CREB5: variants seen among roughly 807,000 people sequenced by gnomAD.
The protein encoded by CREB5 is cyclic AMP-responsive element-binding protein 5.
CREB5 carries 19 observed loss-of-function variants against 57.1 expected under a neutral mutation model. That is an observed-to-expected ratio of 0.33 (90% CI 0.23 to 0.49). The LOEUF (loss-of-function observed/expected upper bound fraction) is 0.49. Among genes scored for constraint, CREB5 ranks in the 20% least tolerant of loss-of-function variants. The probability of loss-of-function intolerance (pLI) is 0.99; values close to 1 mark genes in which losing one functional copy is unlikely to be tolerated. For synonymous variants in CREB5, 238 were observed against 238.3 expected (o/e 1.00, Z 0.01); for missense variants, 579 against 671.6 (o/e 0.86, Z 1.52).
chr7:28,734,715 A>C (rs1426562770), intron 7 of CREB5, among the ~76,000 whole-genome samples: 1 of 152,206 alleles, frequency 6.6e-6, no homozygotes, highest in African/African-American at 2.4e-5. Context: ...CAAATTTCTT[A>C]AAATTTATAC....
upstream of CREB5, chr7:28,410,190 G>A: frequency 2.2e-6 from 1 of 451,332 alleles, no homozygotes; most frequent in Non-Finnish European, 4.4e-6. Context: ...CCCTCGGAGG[G>A]CGCTTGGCTT....
At chr7:28,519,413 C>T (rs138058765) in intron 4 of CREB5, among the ~76,000 whole-genome samples, 1 of 152,322 alleles carries the variant, frequency 6.6e-6, no homozygotes, top group African/African-American at 2.4e-5. Flanking sequence ...CAATCCAACA[C>T]CAGCTTTAAC....
At chr7:28,798,598 C>T (rs1808188750) in intron 7 of CREB5, among the ~76,000 whole-genome samples, 1 of 152,232 alleles carries the variant, frequency 6.6e-6, no homozygotes, top group Non-Finnish European at 1.5e-5. Flanking sequence ...AACCCGGCAG[C>T]AGGCCCACCC....
chr7:28,431,470 C>G (rs1337854517), intron 1 of CREB5, among the ~76,000 whole-genome samples: 1 of 152,182 alleles, frequency 6.6e-6, no homozygotes, highest in Non-Finnish European at 1.5e-5. Context: ...GAGTTGCAAT[C>G]AGTAAACAAC....
At chr7:28,572,228 G>A (rs569010924) in intron 5 of CREB5, among the ~76,000 whole-genome samples, 5 of 152,310 alleles carry the variant, frequency 3.3e-5, no homozygotes, top group South Asian at 2.1e-4. Context: ...CTGTGGGTGC[G>A]TTTGGTTTTC....
chr7:28,320,024 G>A (rs1411309318), intron 1 of CREB5, among the ~76,000 whole-genome samples: 4 of 151,990 alleles, frequency 2.6e-5, no homozygotes, highest in Admixed American at 2.6e-4. Flanking sequence ...TCTGCCTCCT[G>A]GGGTCAAGTG....
At chr7:28,387,275 T>A (rs1554311469) in intron 1 of CREB5, among the ~76,000 whole-genome samples, 1 of 152,176 alleles carries the variant, frequency 6.6e-6, no homozygotes, top group African/African-American at 2.4e-5. Flanking sequence ...CCATTCTAAC[T>A]GGTGTGAGAT....
chr7:28,312,036 C>A (rs56926114), intron 1 of CREB5, among the ~76,000 whole-genome samples: 1 of 151,928 alleles, frequency 6.6e-6, no homozygotes, highest in Non-Finnish European at 1.5e-5. Flanking sequence ...GTTCTTCTAC[C>A]TCATGTAAAG....
intron 5 of CREB5, among the ~76,000 whole-genome samples, chr7:28,717,808 T>G (rs1802787275): frequency 6.6e-6 from 1 of 152,150 alleles, no homozygotes; most frequent in Non-Finnish European, 1.5e-5. Context: ...TTTTGTTTGT[T>G]TGTTGTTAGG....
At chr7:28,348,586 T>C (rs1786123096) in intron 1 of CREB5, among the ~76,000 whole-genome samples, 1 of 152,210 alleles carries the variant, frequency 6.6e-6, no homozygotes, top group South Asian at 2.1e-4. Context: ...AGTCTTTCTG[T>C]ATAATCGAAA....
At chr7:28,598,080 T>C (rs1796759006) in intron 5 of CREB5, among the ~76,000 whole-genome samples, 1 of 152,156 alleles carries the variant, frequency 6.6e-6, no homozygotes, top group South Asian at 2.1e-4. Context: ...TGCCCAAATC[T>C]CAACTTGAAT....
intron 4 of CREB5, among the ~76,000 whole-genome samples, chr7:28,553,379 G>T (rs1794745686): frequency 6.6e-6 from 1 of 152,116 alleles, no homozygotes; most frequent in Admixed American, 6.5e-5. Context: ...CCCCAGCCTG[G>T]CATGTAATCT....
At chr7:28,483,990 A>G (rs1483622604) in intron 1 of CREB5, among the ~76,000 whole-genome samples, 2 of 152,210 alleles carry the variant, frequency 1.3e-5, no homozygotes, top group Non-Finnish European at 2.9e-5. Flanking sequence ...TGTTTGGGGC[A>G]GTGTATTGTG....
intron 7 of CREB5, among the ~76,000 whole-genome samples, chr7:28,742,781 T>A (rs1804446766): frequency 6.6e-6 from 1 of 152,102 alleles, no homozygotes; most frequent in African/African-American, 2.4e-5. Context: ...TTTTTCTTAT[T>A]TTGCTTTTTT....
chr7:28,712,065 A>T (rs1344370901), intron 5 of CREB5, among the ~76,000 whole-genome samples: 2 of 152,208 alleles, frequency 1.3e-5, no homozygotes, highest in Non-Finnish European at 2.9e-5. Context: ...GCCCAAGGTC[A>T]CACAGCTGGT....
chr7:28,505,596 A>G (rs1162741547), intron 3 of CREB5, among the ~76,000 whole-genome samples: 1 of 152,210 alleles, frequency 6.6e-6, no homozygotes, highest in Non-Finnish European at 1.5e-5. Context: ...CTACACACAC[A>G]ACAGAGCCCT....
intron 5 of CREB5, among the ~76,000 whole-genome samples, chr7:28,575,515 G>A (rs1226728562): frequency 6.6e-6 from 1 of 152,218 alleles, no homozygotes; most frequent in Non-Finnish European, 1.5e-5. Context: ...AAGTGAGCAT[G>A]AGTAAGACTG....
At chr7:28,567,354 T>C (rs1312251340) in intron 4 of CREB5, among the ~76,000 whole-genome samples, 1 of 152,210 alleles carries the variant, frequency 6.6e-6, no homozygotes, top group Non-Finnish European at 1.5e-5. Flanking sequence ...GACAGGACAT[T>C]AGCACTCTCG....
rs1345229998 is a variant in CREB5, at chr7:28,560,907, T to TGTGTGTGTGC, written c.292-9457_292-9456insTGTGTGTGCG. Among the ~76,000 whole-genome samples, 54 of 42,736 alleles carry TGTGTGTGTGC rather than the reference T, an allele frequency of 1.3e-3. 3 individuals carry two copies. The highest frequency in any genetic ancestry group is 2.1e-3 in the South Asian group (2 of 936). 28.0% of individuals were successfully genotyped at this position (42,736 alleles called of 152,430 possible). A position where few individuals can be genotyped will look rare whatever the true frequency, so the allele number is the denominator to read the frequency against. On this transcript the variant is annotated intron_variant, in intron 4 of 10. Coordinates refer to ENST00000357727, the MANE Select transcript of CREB5 (RefSeq NM_182898.4). ...GCGTGCGTGTGTGTGCGTGCGCGCG[T>TGTGTGTGTGC]GCGTGTGCGTGTGTGCGCGTGCGTG...
Sources: allele counts gnomAD v4.1 joint callset (sites outside exome capture counted in the v4.1 genomes callset), GRCh38; gene constraint gnomAD v4.1.1; transcripts MANE v1.5; gene names NCBI Gene and HGNC (gene_info 2026-07-23, HGNC 2026-07-21).